Variants in SYTL5 observed in about 807,000 individuals in gnomAD.
The protein encoded by SYTL5 is synaptotagmin-like protein 5.
In SYTL5, 34 loss-of-function variants were observed where a neutral mutation model predicts 55.9. That is an observed-to-expected ratio of 0.61 (90% confidence interval 0.46 to 0.81). The LOEUF is 0.81. Ranked by LOEUF, SYTL5 falls within the 30% of genes least tolerant of loss-of-function variation. The pLI is 0.00. For synonymous variants in SYTL5, 221 were observed against 188.7 expected (o/e 1.17, Z -1.40); for missense variants, 637 against 546.7 (o/e 1.17, Z -1.65).
chrX:37,894,322 T>A, the SYTL5 span, among the ~76,000 whole-genome samples: 4 of 111,629 alleles, frequency 3.6e-5, no homozygotes, highest in African/African-American at 1.3e-4. Flanking sequence ...AGGAGTAGAA[T>A]TGTTGGGTCA....
At chrX:38,052,335 G>T (rs1170802330) in intron 2 of SYTL5, among the ~76,000 whole-genome samples, 1 of 112,117 alleles carries the variant, frequency 8.9e-6, no homozygotes, top group Admixed American at 9.4e-5. Flanking sequence ...AAGGGTAATG[G>T]TAATTCTTAG....
chrX:37,916,382 T>C, the SYTL5 span, among the ~76,000 whole-genome samples: 2 of 112,803 alleles, frequency 1.8e-5, no homozygotes, highest in African/African-American at 6.4e-5. Context: ...AGCATTTTCC[T>C]GACTTCTCCA....
the SYTL5 span, among the ~76,000 whole-genome samples, chrX:37,981,340 G>GGCTA: frequency 5.4e-5 from 6 of 111,673 alleles, no homozygotes; most frequent in Admixed American, 2.8e-4. Flanking sequence ...AGGTCATCTA[G>GGCTA]GCTAGAGTGC....
chrX:38,110,419 G>C lies in SYTL5; in HGVS notation c.1533G>C (p.Glu511Asp). 1 of 1,209,225 alleles carries C rather than the reference G, an allele frequency of 8.3e-7. No individual in the cohort carries two copies. The highest frequency in any genetic ancestry group is 1.1e-6 in the Non-Finnish European group (1 of 894,035). ...FGRNSFLGEV[E>D]IPFDSWNFEN... ...GTAATAGCTTCCTCGGGGAAGTAGA[G>C]ATTCCTTTTGACTCATGGAACTTTG... Residue 511 changes from glutamate to aspartate, a missense_variant, in exon 13 of 17, where the codon GAG (glutamate) becomes GAC (aspartate). Transcript: ENST00000297875.
intron 1 of SYTL5, among the ~76,000 whole-genome samples, chrX:38,019,964 C>T (rs960911185): frequency 1.8e-5 from 2 of 111,785 alleles, no homozygotes; most frequent in East Asian, 5.6e-4. Context: ...TGATTCTATA[C>T]GTGTTTACTG....
At chrX:37,982,435 A>G in the SYTL5 span, among the ~76,000 whole-genome samples, 1 of 112,406 alleles carries the variant, frequency 8.9e-6, no homozygotes, top group South Asian at 3.7e-4. Flanking sequence ...TTCAGGCTGA[A>G]AACAAATGAT....
At chrX:37,926,081 T>A in the SYTL5 span, among the ~76,000 whole-genome samples, 1 of 111,785 alleles carries the variant, frequency 8.9e-6, no homozygotes, top group Non-Finnish European at 1.9e-5. Flanking sequence ...TGTGCATGTA[T>A]CTTTTTCGTA....
At chrX:37,969,195 A>G in the SYTL5 span, among the ~76,000 whole-genome samples, 1 of 112,257 alleles carries the variant, frequency 8.9e-6, no homozygotes, top group Non-Finnish European at 1.9e-5. Context: ...ACAAAAGCAT[A>G]TTTTATGCTT....
chrX:38,003,609 C>T (rs1051261772), upstream of SYTL5, among the ~76,000 whole-genome samples: 1 of 111,815 alleles, frequency 8.9e-6, no homozygotes, highest in Non-Finnish European at 1.9e-5. Context: ...ATTCCATGCT[C>T]ATGGGTAGGA....
At chrX:37,971,355 G>A in the SYTL5 span, among the ~76,000 whole-genome samples, 1 of 110,683 alleles carries the variant, frequency 9.0e-6, no homozygotes, top group African/African-American at 3.3e-5. Context: ...GAGAAAGTCT[G>A]GTGTGCTAGA....
the SYTL5 span, among the ~76,000 whole-genome samples, chrX:37,969,394 T>C: frequency 4.5e-5 from 5 of 111,823 alleles, no homozygotes; most frequent in South Asian, 1.9e-3. Context: ...ACCAATCTAA[T>C]AAGCACTTAC....
intron 3 of SYTL5, among the ~76,000 whole-genome samples, chrX:38,060,625 T>C (rs1300037187): frequency 2.0e-4 from 22 of 112,021 alleles, no homozygotes; most frequent in Admixed American, 1.8e-3. Flanking sequence ...ATATCAGGCT[T>C]AAGCAAGTGG....
intron 7 of SYTL5, among the ~76,000 whole-genome samples, chrX:38,091,588 T>C: frequency 1.8e-5 from 2 of 111,410 alleles, no homozygotes; most frequent in Non-Finnish European, 3.8e-5. Flanking sequence ...CCTGGGCTTA[T>C]AGATGAGAGG....
chrX:37,970,329 C>G, the SYTL5 span, among the ~76,000 whole-genome samples: 1 of 104,041 alleles, frequency 9.6e-6, no homozygotes, highest in Non-Finnish European at 1.9e-5. Flanking sequence ...AAGATTCTTT[C>G]CTATATAAAA....
Position 38,054,463 on chromosome X carries a change from CTG to C in SYTL5, c.329+42_329+43del, listed in dbSNP as rs202135180. ...TTTCATGGAAAGTGGAGATTGATGA[CTG>C]AAGGGATTGGAGTGGGGAAGGCAAA... On this transcript the variant is annotated intron_variant, in intron 3 of 16. Transcript: ENST00000297875. 3.3e-3 allele frequency: 3,724 copies of C among 1,130,970 alleles called. 117 individuals are homozygous for C. In the East Asian group the frequency reaches 0.095, roughly 29 times the overall value. 93.2% of individuals were successfully genotyped at this position (1,130,970 alleles called of 1,213,427 possible).
chrX:38,054,637 AG>A, intron 3 of SYTL5, among the ~76,000 whole-genome samples: 1 of 107,244 alleles, frequency 9.3e-6, no homozygotes, highest in African/African-American at 3.5e-5. Context: ...AGAGAGAGAG[AG>A]AGAGAGATAC....
intron 2 of SYTL5, among the ~76,000 whole-genome samples, chrX:38,038,921 C>T (rs951811103): frequency 1.8e-5 from 2 of 111,747 alleles, no homozygotes; most frequent in Non-Finnish European, 3.8e-5. Flanking sequence ...ACGGAGAAAG[C>T]GTAAAAATTG....
chrX:38,034,523 T>A (rs1935047367), intron 2 of SYTL5, among the ~76,000 whole-genome samples: 1 of 112,523 alleles, frequency 8.9e-6, no homozygotes, highest in African/African-American at 3.2e-5. Context: ...GGGATTTGCC[T>A]CCAGCACAGC....
At chrX:37,939,035 A>T in the SYTL5 span, among the ~76,000 whole-genome samples, 1 of 111,136 alleles carries the variant, frequency 9.0e-6, no homozygotes, top group South Asian at 3.8e-4. Flanking sequence ...AGGCAGGCAG[A>T]TCACCTGAGG....
Sources: allele counts gnomAD v4.1 joint callset (sites outside exome capture counted in the v4.1 genomes callset), GRCh38; gene constraint gnomAD v4.1.1; transcripts MANE v1.5; gene names NCBI Gene and HGNC (gene_info 2026-07-23, HGNC 2026-07-21).